The following RAD50 variants were observed in gnomAD, a reference collection of about 807,000 sequenced individuals.
RAD50 encodes RAD50 double strand break repair protein.
RAD50 carries 132 observed loss-of-function variants against 168.8 expected under a neutral mutation model. The observed-to-expected ratio is 0.78, with a 90% CI of 0.68 to 0.90. RAD50 has a LOEUF of 0.90. Among genes scored for constraint, RAD50 ranks in the 40% least tolerant of loss-of-function variants. RAD50 has a pLI of 0.00. For missense variants in RAD50, 1,347 were observed against 1,534.4 expected, an observed-to-expected ratio of 0.88 and a Z score of 2.04; for synonymous variants, 525 against 497.4, an observed-to-expected ratio of 1.06 and a Z score of -0.74.
intron 19 of RAD50, among the ~76,000 whole-genome samples, chr5:132,613,190 C>A (rs1751115708): frequency 6.6e-6 from 1 of 152,094 alleles, no homozygotes; most frequent in African/African-American, 2.4e-5. Flanking sequence ...GCTGAGGAGC[C>A]TAACAGTCAC....
At chr5:132,631,968 C>G (rs780329379) in intron 21 of RAD50, among the ~76,000 whole-genome samples, 5 of 152,204 alleles carry the variant, frequency 3.3e-5, no homozygotes, top group African/African-American at 1.2e-4. Context: ...TTCCTACCCC[C>G]ACCTCCACCC....
intron 24 of RAD50, among the ~76,000 whole-genome samples, chr5:132,641,479 G>A (rs556943010): frequency 5.7e-4 from 87 of 152,280 alleles, no homozygotes; most frequent in African/African-American, 2.0e-3. Context: ...GCTCAGCAGC[G>A]CAGGGCCACC....
At chr5:132,589,891 T>G in intron 9 of RAD50, 54 bp downstream of exon 9, 1 of 1,456,530 alleles carries the variant, frequency 6.9e-7, no homozygotes, top group Non-Finnish European at 9.4e-7. Flanking sequence ...CTTTTAGAAG[T>G]ATTTTGTCTA....
chr5:132,590,188 G>A (rs1368488899), intron 9 of RAD50, among the ~76,000 whole-genome samples: 1 of 152,196 alleles, frequency 6.6e-6, no homozygotes, highest in African/African-American at 2.4e-5. Flanking sequence ...ACACTTACCA[G>A]GCCGGGTGCG....
chr5:132,626,435 C>T (rs1751373268), intron 21 of RAD50, among the ~76,000 whole-genome samples: 1 of 152,132 alleles, frequency 6.6e-6, no homozygotes, highest in African/African-American at 2.4e-5. Context: ...ATTATTTAGA[C>T]ACTCTGAGTT....
At chr5:132,581,775 G>A (rs886685495) in intron 5 of RAD50, among the ~76,000 whole-genome samples, 1 of 152,194 alleles carries the variant, frequency 6.6e-6, no homozygotes, top group Non-Finnish European at 1.5e-5. Context: ...AGACAGAAGA[G>A]TGGAAGACTA....
At chr5:132,565,528 G>A (rs780400344) in intron 2 of RAD50, among the ~76,000 whole-genome samples, 7 of 151,894 alleles carry the variant, frequency 4.6e-5, no homozygotes, top group Non-Finnish European at 7.4e-5. Flanking sequence ...TTGACTTCTG[G>A]TGCTAGATCA....
intron 16 of RAD50, among the ~76,000 whole-genome samples, chr5:132,607,946 A>G (rs749368915): frequency 2.6e-5 from 4 of 152,232 alleles, no homozygotes; most frequent in Non-Finnish European, 5.9e-5. Context: ...TGGTTATCAT[A>G]TAACTACGTT....
At chr5:132,599,722 C>G (rs909312491) in intron 13 of RAD50, among the ~76,000 whole-genome samples, 28 of 151,916 alleles carry the variant, frequency 1.8e-4, no homozygotes, top group African/African-American at 6.8e-4. Flanking sequence ...CATGCCCAAC[C>G]AAGAGGACTT....
At chr5:132,579,128 C>G (rs748806878) in intron 3 of RAD50, among the ~76,000 whole-genome samples, 189 bp from the exon 4 acceptor site, 1 of 152,052 alleles carries the variant, frequency 6.6e-6, no homozygotes, top group Non-Finnish European at 1.5e-5. Flanking sequence ...TTTTACATAT[C>G]TTTTCATCTG....
intron 21 of RAD50, among the ~76,000 whole-genome samples, chr5:132,621,938 T>A (rs1470711728): frequency 6.6e-6 from 1 of 152,132 alleles, no homozygotes; most frequent in African/African-American, 2.4e-5. Context: ...TATTATTCTT[T>A]CTCCATTTCT....
intron 21 of RAD50, among the ~76,000 whole-genome samples, chr5:132,624,869 C>A (rs1232524874): frequency 4.7e-5 from 5 of 106,716 alleles, no homozygotes; most frequent in East Asian, 2.5e-4. Context: ...GAGACCCTGT[C>A]TCAAAAAAAA....
At chr5:132,595,176 A>G in intron 12 of RAD50, 132 bp downstream of exon 12, 1 of 966,440 alleles carries the variant, frequency 1.0e-6, no homozygotes, top group African/African-American at 1.6e-5. Flanking sequence ...TCCTGGCTCT[A>G]CAACTTACTC....
intron 5 of RAD50, among the ~76,000 whole-genome samples, chr5:132,585,879 C>A (rs1426695575): frequency 6.6e-6 from 1 of 152,150 alleles, no homozygotes; most frequent in African/African-American, 2.4e-5. Flanking sequence ...CAGGTGTGAG[C>A]TACAGTGCCA....
In RAD50 at chr5:132,575,849, G is replaced by T. The variant is rs1554097575; in HGVS notation, c.286G>T (p.Val96Leu). 6.2e-7 allele frequency: 1 copy of T among 1,604,872 alleles called. No homozygotes were observed. The highest frequency in any genetic ancestry group is 8.5e-7 in the Non-Finnish European group (1 of 1,171,566). ...FRDVNGELIA[V>L]QRSMVCTQKS... ...TGATGTCAATGGAGAACTTATAGCT[G>T]TGCAAAGATCTATGGTGTGTACTCA... is the stretch of plus-strand genomic sequence containing the variant. Residue 96 changes from valine (V) to leucine (L), a missense_variant, in exon 3 of 25, where the codon GTG (valine) becomes TTG (leucine). By Grantham distance (32) the Val-to-Leu change is conservative (BLOSUM62 1). Around this residue, in one of 3 missense-constraint regions of RAD50, gnomAD observed 703 missense variants for 767.7 expected, o/e 0.92. Transcript: ENST00000378823.
At position 132,591,927 on chromosome 5, in the gene RAD50, A is replaced by G. The variant is rs751250564; in HGVS notation, c.1686A>G (p.Glu562=). ...IRKIKSRHSD[E]LTSLLGYFPN... is the part of the protein sequence containing the mutation. Reference sequence around the variant, plus strand: ...AAATAAAATCTAGGCACAGTGATGAATTAACCTCACTGTTGGGATATTTTC... The same window carrying G: ...AAATAAAATCTAGGCACAGTGATGAGTTAACCTCACTGTTGGGATATTTTC... Residue 562 remains glutamate, a synonymous_variant, in exon 11 of 25, where the codon GAA becomes GAG. Transcript: ENST00000378823. 31 of 1,608,474 alleles carry G rather than the reference A, an allele frequency of 1.9e-5. No homozygotes were observed. The highest frequency in any genetic ancestry group is 2.6e-5 in the Non-Finnish European group (31 of 1,175,222).
intron 2 of RAD50, among the ~76,000 whole-genome samples, chr5:132,560,700 C>T (rs1750110046): frequency 6.6e-6 from 1 of 152,230 alleles, no homozygotes; most frequent in Non-Finnish European, 1.5e-5. Context: ...ATTGATCCCT[C>T]TTATCCACCC....
chr5:132,566,408 GCT>G (rs1649963771), intron 2 of RAD50, among the ~76,000 whole-genome samples: 1 of 152,178 alleles, frequency 6.6e-6, no homozygotes, highest in South Asian at 2.1e-4. Flanking sequence ...TCAGCAGAAT[GCT>G]CTCCTTATGA....
chr5:132,606,351 G>A (rs1750985362), intron 16 of RAD50, among the ~76,000 whole-genome samples: 1 of 152,102 alleles, frequency 6.6e-6, no homozygotes, highest in African/African-American at 2.4e-5. Context: ...ACACCTCTAC[G>A]CAAATAAACT....
Sources: allele counts gnomAD v4.1 joint callset (sites outside exome capture counted in the v4.1 genomes callset), GRCh38; gene constraint gnomAD v4.1.1; regional missense constraint gnomAD v4.1.1; transcripts MANE v1.5; gene names NCBI Gene and HGNC (gene_info 2026-07-23, HGNC 2026-07-21).